HECTD4: variants seen among roughly 807,000 people sequenced by gnomAD.
The protein encoded by HECTD4 is probable E3 ubiquitin-protein ligase HECTD4.
HECTD4 carries 114 observed loss-of-function variants against 471.5 expected under a neutral mutation model. The ratio of observed to expected loss-of-function variants is 0.24; its 90% CI spans 0.21 to 0.28. HECTD4 has a LOEUF of 0.28. Among genes scored for constraint, HECTD4 ranks in the 10% least tolerant of loss-of-function variants. The probability of loss-of-function intolerance (pLI) is 1.00; values close to 1 mark genes in which losing one functional copy is unlikely to be tolerated. For synonymous variants in HECTD4, 2,012 were observed against 2,256.0 expected (o/e 0.89, Z 3.07); for missense variants, 3,866 against 5,651.5 (o/e 0.68, Z 10.13).
At chr12:112,378,180 A>G (rs1477098588) in intron 1 of HECTD4, among the ~76,000 whole-genome samples, 6 of 152,066 alleles carry the variant, frequency 3.9e-5, no homozygotes, top group Admixed American at 1.3e-4. Flanking sequence ...AATGAGGGAC[A>G]TTATTATCTC....
In HECTD4 at chr12:112,179,949, C is replaced by CA. The variant is rs893590772; in HGVS notation, c.10988-553dup. Among the ~76,000 whole-genome samples the CA allele has an allele frequency of 6.6e-6, 1 of 152,146 alleles. No individual in the cohort carries two copies. Among genetic ancestry groups the CA allele is most frequent in the Non-Finnish European group, 1.5e-5 (1 of 68,010 alleles). On this transcript the variant is annotated intron_variant, in intron 62 of 75. Transcript: ENST00000682272. This position sits in a 1 kb window ranked among gnomAD's most constrained non-coding sequence, Gnocchi z 4.3. ...AGGTGAAAAAGAGTTTTCTGAGATACAAAAAAACTGTCTATAAGCACCAGA... is the reference window on the plus strand; with the variant it reads ...AGGTGAAAAAGAGTTTTCTGAGATACAAAAAAAACTGTCTATAAGCACCAGA...
intron 21 of HECTD4, among the ~76,000 whole-genome samples, chr12:112,255,757 A>ACCT (rs2033993468): frequency 6.6e-6 from 1 of 152,216 alleles, no homozygotes; most frequent in African/African-American, 2.4e-5. Context: ...AACAATTCTA[A>ACCT]GTAGAAGAAA....
rs1276553437 is a variant in HECTD4 at position 112,178,196 on chromosome 12, C to T, written c.11363+735G>A. Among the ~76,000 whole-genome samples, 10 of 152,244 alleles carry T rather than the reference C, an allele frequency of 6.6e-5. No individual in the cohort carries two copies. The East Asian group carries it at 1.7e-3, about 26-fold the overall frequency. ...CCTCCTGCCTCAGCTTCTTGAGTAG[C>T]TTCTTGAGTAGCTGGGACCACAGGT... On this transcript the variant is annotated intron_variant, in intron 64 of 75. Transcript: ENST00000682272.
At chr12:112,372,763 T>C (rs1650913788) in intron 1 of HECTD4, among the ~76,000 whole-genome samples, 1 of 151,946 alleles carries the variant, frequency 6.6e-6, no homozygotes, top group Admixed American at 6.6e-5. Context: ...GTTATTTTTG[T>C]TTGGTTTTTT....
Position 112,193,205 on chromosome 12 carries a change from C to G in HECTD4, c.8956-14G>C, listed in dbSNP as rs773419973. On this transcript the variant is annotated splice_polypyrimidine_tract_variant and intron_variant, in intron 57 of 75. Coordinates refer to ENST00000682272, the MANE Select transcript of HECTD4 (RefSeq NM_001388303.1). The surrounding 1 kb of genome is among the most constrained non-coding windows in gnomAD (Gnocchi z 5.2). ...CTCTGGTGCTGTCTGCAAAGAGACA[C>G]TGAATAAGGAAAGCCACGGGCTAAA... 1.2e-6 allele frequency: 2 copies of G among 1,613,220 alleles called. No individual in the cohort carries two copies. Among genetic ancestry groups the G allele is most frequent in the South Asian group, 1.1e-5 (1 of 90,842 alleles).
intron 7 of HECTD4, among the ~76,000 whole-genome samples, chr12:112,296,618 T>G (rs1201772123): frequency 0.019 from 1,335 of 68,822 alleles, no homozygotes; most frequent in Middle Eastern, 0.13. Context: ...AGTAGGTGCA[T>G]TGGATGTAGG....
chr12:112,327,357 A>G (rs1480681161), intron 1 of HECTD4, among the ~76,000 whole-genome samples: 1 of 152,160 alleles, frequency 6.6e-6, no homozygotes, highest in Non-Finnish European at 1.5e-5. Flanking sequence ...AAATTATAAC[A>G]TCTCAAAATG....
At chr12:112,355,307 A>AC (rs1321245894) in intron 1 of HECTD4, among the ~76,000 whole-genome samples, 8 of 150,382 alleles carry the variant, frequency 5.3e-5, no homozygotes, top group African/African-American at 1.5e-4. Context: ...AAAAAAAAAA[A>AC]ATTGTGGGCC....
intron 27 of HECTD4, 34 bp downstream of exon 27, chr12:112,248,033 A>C: frequency 6.8e-7 from 1 of 1,480,850 alleles, no homozygotes; most frequent in Non-Finnish European, 9.4e-7. Context: ...TCTAAATGGC[A>C]ATACCCCAGT....
Position 112,162,199 on chromosome 12 carries a change from C to T in HECTD4, c.*188G>A. The T allele has an allele frequency of 1.7e-6, 1 of 597,884 alleles. No individual in the cohort carries two copies. The highest frequency in any genetic ancestry group is 2.9e-6 in the Non-Finnish European group (1 of 342,156). 37.0% of individuals were successfully genotyped at this position (597,884 alleles called of 1,614,324 possible). A position where few individuals can be genotyped will look rare whatever the true frequency, so the allele number is the denominator to read the frequency against. The stretch of plus-strand genomic sequence containing the variant: ...CAAACAGGCAGCAAAAGAACCAACC[C>T]ATCACGAAACGTACAAAGACAAAAG... On this transcript the variant is annotated 3_prime_UTR_variant, in exon 76 of 76. Coordinates refer to ENST00000682272, the MANE Select transcript of HECTD4 (RefSeq NM_001388303.1). The surrounding 1 kb of genome is among the most constrained non-coding windows in gnomAD (Gnocchi z 5.2).
chr12:112,203,427 G>A, intron 54 of HECTD4: 1 of 453,964 alleles, frequency 2.2e-6, no homozygotes, highest in Non-Finnish European at 3.9e-6. Flanking sequence ...AGACTGGAGA[G>A]CCTACCATCT....
intron 44 of HECTD4, 45 bp downstream of exon 44, chr12:112,226,598 G>C (rs1402381494): frequency 7.7e-7 from 1 of 1,296,406 alleles, no homozygotes; most frequent in Non-Finnish European, 1.1e-6. Context: ...AATGTGCTGA[G>C]AAAATTCAAT....
intron 66 of HECTD4, among the ~76,000 whole-genome samples, chr12:112,174,667 C>T (rs565294690): frequency 1.4e-4 from 22 of 151,990 alleles, no homozygotes; most frequent in African/African-American, 3.4e-4. Flanking sequence ...TGGGTTCAAG[C>T]GATTGTCCTG....
At chr12:112,169,350 G>A (rs1039114475) in intron 70 of HECTD4, among the ~76,000 whole-genome samples, 153 bp downstream of exon 70, 1 of 152,224 alleles carries the variant, frequency 6.6e-6, no homozygotes, top group East Asian at 1.9e-4. Context: ...GGACACGGGC[G>A]TGAGGCCACT....
At chr12:112,344,348 T>C (rs2135729512) in intron 1 of HECTD4, among the ~76,000 whole-genome samples, 1 of 152,316 alleles carries the variant, frequency 6.6e-6, no homozygotes, top group East Asian at 1.9e-4. Context: ...AGGGGGGTTA[T>C]AACTGGTCCT....
intron 1 of HECTD4, among the ~76,000 whole-genome samples, chr12:112,362,668 A>G (rs2036473140): frequency 6.6e-6 from 1 of 151,638 alleles, no homozygotes; most frequent in Non-Finnish European, 1.5e-5. Flanking sequence ...GTTAGCAAGG[A>G]GACATTTCCC....
chr12:112,233,503 A>G (rs1440684727), intron 37 of HECTD4, among the ~76,000 whole-genome samples: 5 of 152,050 alleles, frequency 3.3e-5, no homozygotes, highest in African/African-American at 1.2e-4. Flanking sequence ...GATTACAGGC[A>G]TGAGCCACCA....
At chr12:112,217,434 G>T (rs1037826914) in intron 45 of HECTD4, among the ~76,000 whole-genome samples, 2 of 152,092 alleles carry the variant, frequency 1.3e-5, no homozygotes, top group African/African-American at 2.4e-5. Context: ...GCTCGCTGCA[G>T]CCTCAAGCTC....
rs1335763685 is a variant in HECTD4 at position 112,240,438 on chromosome 12, T to G, written c.4959-411A>C. Among the ~76,000 whole-genome samples, 3 of 149,634 alleles carry G rather than the reference T, an allele frequency of 2.0e-5. No individual in the cohort carries two copies. The South Asian group carries it at 6.2e-4, about 31-fold the overall frequency. ...AGCACTGAATACTGTAAGTGCTTTT[T>G]CTTTTCTTTTCTTTTCTTTTTTTTT... On this transcript the variant is annotated intron_variant, in intron 32 of 75. Coordinates refer to ENST00000682272, the MANE Select transcript of HECTD4 (RefSeq NM_001388303.1).
Sources: allele counts gnomAD v4.1 joint callset (sites outside exome capture counted in the v4.1 genomes callset), GRCh38; gene constraint gnomAD v4.1.1; non-coding constraint Gnocchi (gnomAD v3.1); transcripts MANE v1.5; gene names NCBI Gene and HGNC (gene_info 2026-07-23, HGNC 2026-07-21).